The following KBTBD11 variants were observed in gnomAD, a reference collection of about 807,000 sequenced individuals.
KBTBD11 encodes kelch repeat and BTB domain-containing protein 11.
For synonymous variants in KBTBD11, 747 were observed against 499.0 expected (o/e 1.50, Z -6.63); for missense variants, 1,390 against 1,001.8 (o/e 1.39, Z -5.23).
chr8:1,976,965 G>A (rs1007553671), intron 1 of KBTBD11, among the ~76,000 whole-genome samples: 1 of 152,140 alleles, frequency 6.6e-6, no homozygotes, highest in Non-Finnish European at 1.5e-5. Context: ...TTAAATTGAT[G>A]GAGCTTCACA....
chr8:1,992,939 T>C (rs1816972222), intron 1 of KBTBD11, among the ~76,000 whole-genome samples: 1 of 152,046 alleles, frequency 6.6e-6, no homozygotes, highest in South Asian at 2.1e-4. Flanking sequence ...TTTTATTTTG[T>C]TATTGTTATT....
At chr8:1,979,301 A>G (rs940128027) in intron 1 of KBTBD11, among the ~76,000 whole-genome samples, 2 of 152,156 alleles carry the variant, frequency 1.3e-5, no homozygotes, top group African/African-American at 4.8e-5. Context: ...GCTTTACTCA[A>G]AATCTTCCCA....
At chr8:1,982,384 G>T (rs1051812989) in intron 1 of KBTBD11, among the ~76,000 whole-genome samples, 1 of 152,042 alleles carries the variant, frequency 6.6e-6, no homozygotes, top group Non-Finnish European at 1.5e-5. Context: ...AAGAAAATGG[G>T]AATAGTAAGT....
Position 1,979,291 on chromosome 8 carries a change from G to A in KBTBD11, c.-909+5356G>A, listed in dbSNP as rs545712708. Among the ~76,000 whole-genome samples the A allele has an allele frequency of 2.3e-3, 357 of 152,322 alleles. 4 individuals are homozygous for A. The highest frequency in any genetic ancestry group is 8.1e-3 in the African/African-American group (337 of 41,570). ...CCACCCATATTGTGAATAGAAACAT[G>A]CTTTACTCAAAATCTTCCCATGTAA... On this transcript the variant is annotated intron_variant, in intron 1 of 1. Coordinates refer to ENST00000320248, the MANE Select transcript of KBTBD11 (RefSeq NM_014867.3).
At chr8:1,984,211 G>A (rs1816634607) in intron 1 of KBTBD11, among the ~76,000 whole-genome samples, 1 of 151,960 alleles carries the variant, frequency 6.6e-6, no homozygotes, top group Admixed American at 6.5e-5. Flanking sequence ...GCCGAGGTGG[G>A]AGGATCACTT....
intron 1 of KBTBD11, among the ~76,000 whole-genome samples, chr8:1,996,191 C>T (rs905615639): frequency 6.6e-6 from 1 of 152,222 alleles, no homozygotes; most frequent in Non-Finnish European, 1.5e-5. Context: ...GGGCACGGCC[C>T]ACCCAGGCGC....
chr8:1,999,184 G>A lies in KBTBD11; in HGVS notation c.-908-1101G>A, dbSNP rs181298211. On this transcript the variant is annotated intron_variant, in intron 1 of 1. Transcript: ENST00000320248. ...GAGAGAGAGACAGGGAGAGTCAAAC[G>A]TGGAGTTTCCAACTTGAAGACACTT... is the stretch of plus-strand genomic sequence containing the variant. Among the ~76,000 whole-genome samples the A allele has an allele frequency of 9.8e-5, 15 of 152,328 alleles. No individual in the cohort carries two copies. The South Asian group carries it at 2.5e-3, about 25-fold the overall frequency.
At chr8:1,978,590 G>A (rs1050435204) in intron 1 of KBTBD11, among the ~76,000 whole-genome samples, 1 of 152,184 alleles carries the variant, frequency 6.6e-6, no homozygotes, top group Non-Finnish European at 1.5e-5. Context: ...AGGTGGAACC[G>A]GGTCACCTTT....
intron 1 of KBTBD11, chr8:1,974,616 CGCGCCGCGGCTCCCGAGTCCTGCCGG>C (rs1816260394): frequency 1.0e-6 from 1 of 985,216 alleles, no homozygotes; most frequent in Non-Finnish European, 1.2e-6. Flanking sequence ...CCCGCCCCAC[CGCGCCGCGGCTCCCGAGTCCTGCCGG>C]GCGCCCCTTG....
chr8:2,002,713 G>C lies in KBTBD11; in HGVS notation c.1521G>C (p.Leu507=). 3.9e-6 allele frequency: 6 copies of C among 1,526,286 alleles called. No individual in the cohort carries two copies. Among genetic ancestry groups the C allele is most frequent in the Non-Finnish European group, 5.2e-6 (6 of 1,144,800 alleles). The allele number at this position is 1,526,286 out of a possible 1,614,324, so 94.5% of individuals were successfully genotyped here. A position where few individuals can be genotyped will look rare whatever the true frequency, so the allele number is the denominator to read the frequency against. Residue 507 remains leucine (L), a synonymous_variant, in exon 2 of 2, where the codon CTG becomes CTC. Coordinates refer to ENST00000320248, the MANE Select transcript of KBTBD11 (RefSeq NM_014867.3). This position sits in a 1 kb window ranked among gnomAD's most constrained non-coding sequence, Gnocchi z 4.1. ...ALDGFIYRFD[L]SGSRGEAQAA... ...ACGGCTTCATCTACCGCTTCGATCT[G>C]AGCGGCAGCCGCGGCGAGGCGCAGG...
At position 2,001,903 on chromosome 8, in the gene KBTBD11, C is replaced by G. The variant is rs1252438125; in HGVS notation, c.711C>G (p.Tyr237Ter). 1 of 1,437,766 alleles carries G rather than the reference C, an allele frequency of 7.0e-7. No individual in the cohort carries two copies. Among genetic ancestry groups the G allele is most frequent in the Non-Finnish European group, 9.2e-7 (1 of 1,088,862 alleles). The allele number at this position is 1,437,766 out of a possible 1,614,324, so 89.1% of individuals were successfully genotyped here. A position where few individuals can be genotyped will look rare whatever the true frequency, so the allele number is the denominator to read the frequency against. Residue 237 changes from tyrosine (Y) to a stop codon, truncating the protein, a stop_gained, in exon 2 of 2, where the codon TAC becomes TAG. Transcript: ENST00000320248. LOFTEE classifies it low-confidence loss of function (END_TRUNC). Reference sequence around the variant, plus strand: ...CGCAGCTGAGCCTGGCCAACTGCTACGAGGTCCTGAGCGCGGCCAAGCGGC... The same window carrying G: ...CGCAGCTGAGCCTGGCCAACTGCTAGGAGGTCCTGAGCGCGGCCAAGCGGC... ...VGPQLSLANC[Y>*]EVLSAAKRQR...
chr8:1,974,602 C>G, intron 1 of KBTBD11: 2 of 984,924 alleles, frequency 2.0e-6, no homozygotes, highest in Non-Finnish European at 2.4e-6. Flanking sequence ...AGCACCGCGA[C>G]CCACCCGCCC....
At chr8:1,997,119 A>C (rs1394011434) in intron 1 of KBTBD11, among the ~76,000 whole-genome samples, 1 of 152,066 alleles carries the variant, frequency 6.6e-6, no homozygotes, top group Non-Finnish European at 1.5e-5. Flanking sequence ...CCAGGGAAAA[A>C]ATCCTTCCAA....
rs1425099056 is a variant in KBTBD11 at position 2,000,379 on chromosome 8, C to G, written c.-814C>G. On this transcript the variant is annotated 5_prime_UTR_variant, in exon 2 of 2. Transcript: ENST00000320248. The stretch of plus-strand genomic sequence containing the variant: ...CCTGCCCCGTGAGCGAGGACAGCCT[C>G]CAGGAGCACAGCGGCTTCTCCTAAC... 1 of 152,256 alleles carries G rather than the reference C, an allele frequency of 6.6e-6. No homozygotes were observed. The highest frequency in any genetic ancestry group is 2.4e-5 in the African/African-American group (1 of 41,444). The allele number at this position is 152,256 out of a possible 1,614,324, so 9.4% of individuals were successfully genotyped here.
rs1817543769 is a variant in KBTBD11 at position 2,005,436 on chromosome 8, T to TC, written c.*2375dup. ...AGTGTTTTTGCTTTTTGGGGGCCAG[T>TC]CCCTGGGGTGTGGAGCCGCTAGGGT... On this transcript the variant is annotated 3_prime_UTR_variant, in exon 2 of 2. Transcript: ENST00000320248. 6.0e-6 allele frequency: 1 copy of TC among 166,346 alleles called. No individual in the cohort carries two copies. The highest frequency in any genetic ancestry group is 2.4e-5 in the African/African-American group (1 of 41,152). 10.3% of individuals were successfully genotyped at this position (166,346 alleles called of 1,614,324 possible).
intron 1 of KBTBD11, chr8:1,974,387 C>T (rs1271624111): frequency 1.0e-6 from 1 of 984,904 alleles, no homozygotes; most frequent in African/African-American, 1.7e-5. Flanking sequence ...GGAGCAGAAG[C>T]CGAAGCCAAG....
intron 1 of KBTBD11, among the ~76,000 whole-genome samples, chr8:1,989,555 C>T (rs991793378): frequency 1.3e-5 from 2 of 152,168 alleles, no homozygotes; most frequent in Non-Finnish European, 2.9e-5. Context: ...AAGCTCCATA[C>T]CGCATGGATC....
chr8:1,986,850 G>A (rs577996853), intron 1 of KBTBD11, among the ~76,000 whole-genome samples: 1 of 152,112 alleles, frequency 6.6e-6, no homozygotes, highest in Admixed American at 6.5e-5. Context: ...TTGCCACTTA[G>A]GCTTCAAATA....
intron 1 of KBTBD11, among the ~76,000 whole-genome samples, chr8:1,978,273 G>C (rs2129308202): frequency 6.6e-6 from 1 of 152,302 alleles, no homozygotes; most frequent in South Asian, 2.1e-4. Flanking sequence ...TGTATTCGTA[G>C]CAATAGCATT....
Sources: allele counts gnomAD v4.1 joint callset (sites outside exome capture counted in the v4.1 genomes callset), GRCh38; gene constraint gnomAD v4.1.1; non-coding constraint Gnocchi (gnomAD v3.1); transcripts MANE v1.5; gene names NCBI Gene and HGNC (gene_info 2026-07-23, HGNC 2026-07-21).